Variants in PRELID3A observed in about 807,000 individuals in gnomAD.
PRELID3A encodes PRELI domain containing protein 3A.
PRELID3A carries 27 observed loss-of-function variants against 23.0 expected under a neutral mutation model. That is an observed-to-expected ratio of 1.17 (90% CI 0.87 to 1.62). PRELID3A has a LOEUF of 1.62. Among genes scored for constraint, PRELID3A ranks in the 40% most tolerant of loss-of-function variants. The probability of loss-of-function intolerance (pLI) is 0.00; values close to 1 mark genes in which losing one functional copy is unlikely to be tolerated. For synonymous variants in PRELID3A, 87 were observed against 86.4 expected, an observed-to-expected ratio of 1.01 and a Z score of -0.04; for missense variants, 231 against 231.4, an observed-to-expected ratio of 1.00 and a Z score of 0.01.
chr18:12,432,095 G>A lies in PRELID3A; in HGVS notation c.*979G>A, dbSNP rs1194646016. 6.6e-6 allele frequency: 1 copy of A among 152,244 alleles called. No individual in the cohort carries two copies. The highest frequency in any genetic ancestry group is 6.5e-5 in the Admixed American group (1 of 15,288). 9.4% of individuals were successfully genotyped at this position (152,244 alleles called of 1,614,324 possible). A position where few individuals can be genotyped will look rare whatever the true frequency, so the allele number is the denominator to read the frequency against. On this transcript the variant is annotated 3_prime_UTR_variant, in exon 7 of 7. Coordinates refer to ENST00000440960, the MANE Select transcript of PRELID3A (RefSeq NM_001142405.2). ...AAAAGAGTACAGGAGTCTGGAGTCC[G>A]TTGAAGGGTAAAGGCCTCCCGCAAG...
In PRELID3A at chr18:12,417,978, G is replaced by A. The variant is rs552900047; in HGVS notation, c.33-2347G>A. Among the ~76,000 whole-genome samples, 57 of 152,310 alleles carry A rather than the reference G, an allele frequency of 3.7e-4. No homozygotes were observed. The South Asian group carries it at 0.011, about 30-fold the overall frequency. On this transcript the variant is annotated intron_variant, in intron 1 of 6. Transcript: ENST00000440960. The stretch of plus-strand genomic sequence containing the variant: ...AGGCCCTGACAATTTAGAGGCCACC[G>A]AATGTAATAGAACAGGTTAGGGAGC...
At chr18:12,430,410 CTG>C (rs1306974099) in intron 6 of PRELID3A, among the ~76,000 whole-genome samples, 21 of 137,910 alleles carry the variant, frequency 1.5e-4, no homozygotes, top group African/African-American at 4.6e-4. Context: ...CATGTGCTGT[CTG>C]TGATGTGTTG....
chr18:12,421,017 C>A (rs756542138), intron 2 of PRELID3A, among the ~76,000 whole-genome samples: 1 of 152,198 alleles, frequency 6.6e-6, no homozygotes, highest in African/African-American at 2.4e-5. Flanking sequence ...ATGGTTCAGC[C>A]CCCCGTGGCC....
chr18:12,407,936 C>A lies in PRELID3A; in HGVS notation c.-40C>A, dbSNP rs948123561. ...CCCGGAGCCGCGCGGCCCGAAGCAC[C>A]CGGCCCGGATCGCAGAGCCCGCGCC... On this transcript the variant is annotated 5_prime_UTR_variant, in exon 1 of 7. Coordinates refer to ENST00000440960, the MANE Select transcript of PRELID3A (RefSeq NM_001142405.2). 3 of 1,283,700 alleles carry A rather than the reference C, an allele frequency of 2.3e-6. No individual in the cohort carries two copies. Among genetic ancestry groups the A allele is most frequent in the Non-Finnish European group, 2.9e-6 (3 of 1,018,518 alleles). The allele number at this position is 1,283,700 out of a possible 1,614,324, so 79.5% of individuals were successfully genotyped here.
At position 12,427,337 on chromosome 18, in the gene PRELID3A, TC is replaced by T; in HGVS notation, c.465+16del. 6.5e-7 allele frequency: 1 copy of T among 1,541,302 alleles called. No individual in the cohort carries two copies. The highest frequency in any genetic ancestry group is 1.1e-5 in the South Asian group (1 of 88,740). ...AATGCAAAGAAGGTATGTATCTCAA[TC>T]CTAGGAGTCCTGTGTGTGCTCTAGT... is the stretch of plus-strand genomic sequence containing the variant. On this transcript the variant is annotated intron_variant, in intron 5 of 6. Coordinates refer to ENST00000440960, the MANE Select transcript of PRELID3A (RefSeq NM_001142405.2).
intron 1 of PRELID3A, among the ~76,000 whole-genome samples, chr18:12,415,116 A>T (rs1027860962): frequency 6.6e-6 from 1 of 151,950 alleles, no homozygotes; most frequent in Admixed American, 6.6e-5. Flanking sequence ...TTTTGTTGAC[A>T]TAGGGATCTT....
intron 1 of PRELID3A, among the ~76,000 whole-genome samples, chr18:12,415,380 C>T (rs1378236610): frequency 6.6e-6 from 1 of 152,072 alleles, no homozygotes; most frequent in Non-Finnish European, 1.5e-5. Context: ...CTGCCTCAGG[C>T]TCCTAAGTAG....
intron 1 of PRELID3A, among the ~76,000 whole-genome samples, chr18:12,412,345 G>A (rs897371478): frequency 2.6e-5 from 4 of 152,018 alleles, no homozygotes; most frequent in African/African-American, 9.7e-5. Flanking sequence ...CTGCTACCAC[G>A]CCCAGCTAAT....
chr18:12,418,515 T>C (rs2030035570), intron 1 of PRELID3A, among the ~76,000 whole-genome samples: 1 of 152,212 alleles, frequency 6.6e-6, no homozygotes. Flanking sequence ...TGCACACATG[T>C]GAATGTGATG....
chr18:12,415,503 C>G (rs541250683), intron 1 of PRELID3A, among the ~76,000 whole-genome samples: 1 of 151,436 alleles, frequency 6.6e-6, no homozygotes, highest in Non-Finnish European at 1.5e-5. Flanking sequence ...GTGATCCGCC[C>G]GCCTCGGCCT....
chr18:12,423,482 G>A (rs989792872), intron 3 of PRELID3A, among the ~76,000 whole-genome samples: 5 of 152,162 alleles, frequency 3.3e-5, no homozygotes, highest in African/African-American at 1.2e-4. Flanking sequence ...GGAACAGGAG[G>A]CTCACGACGC....
chr18:12,430,970 G>A (rs2030573189), intron 6 of PRELID3A, among the ~76,000 whole-genome samples, 180 bp from the exon 7 acceptor site: 1 of 151,462 alleles, frequency 6.6e-6, no homozygotes, highest in Admixed American at 6.6e-5. Context: ...GTGCATGTCT[G>A]TATGATGTGC....
intron 5 of PRELID3A, 109 bp downstream of exon 5, chr18:12,427,432 C>T: frequency 1.1e-6 from 1 of 882,834 alleles, no homozygotes; most frequent in Non-Finnish European, 1.8e-6. Flanking sequence ...CATGGTGGCT[C>T]ATGTCTGTAA....
At chr18:12,416,279 A>G (rs1333997945) in intron 1 of PRELID3A, among the ~76,000 whole-genome samples, 1 of 151,850 alleles carries the variant, frequency 6.6e-6, no homozygotes, top group Non-Finnish European at 1.5e-5. Context: ...GTGTCAGGCT[A>G]TTTTTGTTCT....
intron 1 of PRELID3A, among the ~76,000 whole-genome samples, chr18:12,408,315 G>A (rs1007073584): frequency 4.6e-5 from 7 of 151,354 alleles, no homozygotes; most frequent in African/African-American, 1.2e-4. Flanking sequence ...CGGAGCGGGG[G>A]CGGCCGGGGC....
At chr18:12,430,073 C>T (rs904297710) in intron 6 of PRELID3A, among the ~76,000 whole-genome samples, 28 of 152,234 alleles carry the variant, frequency 1.8e-4, no homozygotes, top group Admixed American at 1.5e-3. Flanking sequence ...CTGGGCTGCT[C>T]GTCCCCATCT....
At chr18:12,409,159 GTTTTTTTTT>G (rs71371255) in intron 1 of PRELID3A, among the ~76,000 whole-genome samples, 11 of 66,486 alleles carry the variant, frequency 1.7e-4, no homozygotes, top group South Asian at 7.2e-4. Context: ...CCCAGGCTGG[GTTTTTTTTT>G]TTTTTTTTTT....
rs2143394449 is a variant in PRELID3A at position 12,427,025 on chromosome 18, T to G, written c.292-16T>G. 3.1e-6 allele frequency: 5 copies of G among 1,598,016 alleles called. No individual in the cohort carries two copies. The highest frequency in any genetic ancestry group is 4.3e-6 in the Non-Finnish European group (5 of 1,165,650). ...TGCAAGAGAAATACAATCTAAACCT[T>G]TTTTTTCTTTTTAAGATCACACTCA... On this transcript the variant is annotated splice_polypyrimidine_tract_variant and intron_variant, in intron 3 of 6. Transcript: ENST00000440960.
chr18:12,427,354 G>A (rs752734276), intron 5 of PRELID3A, 31 bp downstream of exon 5: 1 of 1,458,916 alleles, frequency 6.9e-7, no homozygotes, highest in Non-Finnish European at 9.6e-7. Flanking sequence ...AGTCCTGTGT[G>A]TGCTCTAGTT....
Sources: gnomAD v4.1 joint callset for allele counts (sites outside exome capture counted in the v4.1 genomes callset) on GRCh38, gnomAD v4.1.1 for gene constraint, MANE v1.5 for transcripts, NCBI Gene and HGNC (gene_info 2026-07-23, HGNC 2026-07-21) for gene names.